Variants in SLC25A26 observed in about 807,000 individuals in gnomAD.
SLC25A26 encodes the protein solute carrier family 25 member 26.
SLC25A26 carries 36 observed loss-of-function variants against 37.8 expected under a neutral mutation model. The ratio of observed to expected loss-of-function variants is 0.95; its 90% CI spans 0.73 to 1.26. SLC25A26 has a LOEUF of 1.26. Ranked by LOEUF, SLC25A26 falls within the 50% of genes most tolerant of loss-of-function variation. The pLI is 0.00. For missense variants in SLC25A26, 390 were observed against 331.1 expected (o/e 1.18, Z -1.38); for synonymous variants, 129 against 122.5 (o/e 1.05, Z -0.35).
intron 5 of SLC25A26, among the ~76,000 whole-genome samples, chr3:66,318,889 A>G (rs537996831): frequency 6.6e-6 from 1 of 152,154 alleles, no homozygotes; most frequent in East Asian, 1.9e-4. Context: ...GACTCAAGCG[A>G]TCCTCCAACC....
At chr3:66,297,928 G>A (rs544593794) in intron 5 of SLC25A26, among the ~76,000 whole-genome samples, 1 of 152,274 alleles carries the variant, frequency 6.6e-6, no homozygotes, top group African/African-American at 2.4e-5. Flanking sequence ...TGTCTTTAAA[G>A]GATATAGCAT....
rs571305215 is a variant in SLC25A26 at position 66,313,759 on chromosome 3, A to G, written c.454-32605A>G. Among the ~76,000 whole-genome samples, 7 of 152,250 alleles carry G rather than the reference A, an allele frequency of 4.6e-5. No homozygotes were observed. In the East Asian group the frequency reaches 1.4e-3, roughly 29 times the overall value. On this transcript the variant is annotated intron_variant, in intron 5 of 9. Transcript: ENST00000354883. The stretch of plus-strand genomic sequence containing the variant: ...GATTCTTCCTATCCATGAGCGTGGA[A>G]TGTTTATCCATTTGTTTGTGTCCTC...
At chr3:66,167,635 T>A (rs1213051706) in intron 1 of SLC25A26, among the ~76,000 whole-genome samples, 1 of 152,232 alleles carries the variant, frequency 6.6e-6, no homozygotes, top group East Asian at 1.9e-4. Context: ...GATGCAGTAA[T>A]GTTCTCTGGG....
chr3:66,313,291 G>C (rs567952783), intron 5 of SLC25A26, among the ~76,000 whole-genome samples: 1 of 152,166 alleles, frequency 6.6e-6, no homozygotes, highest in African/African-American at 2.4e-5. Context: ...TCCATCTTGA[G>C]TTAATTTTTA....
At chr3:66,169,500 C>T (rs1303794893) in intron 1 of SLC25A26, among the ~76,000 whole-genome samples, 1 of 152,172 alleles carries the variant, frequency 6.6e-6, no homozygotes, top group Admixed American at 6.5e-5. Context: ...CTTGTCCCAC[C>T]CCATCTAAAA....
At chr3:66,287,905 A>T (rs2074567749) in intron 5 of SLC25A26, among the ~76,000 whole-genome samples, 1 of 152,228 alleles carries the variant, frequency 6.6e-6, no homozygotes, top group Non-Finnish European at 1.5e-5. Flanking sequence ...AGATTATAGA[A>T]ATTTTCTTTG....
chr3:66,331,345 G>A (rs772299071), intron 5 of SLC25A26, among the ~76,000 whole-genome samples: 6 of 152,042 alleles, frequency 3.9e-5, no homozygotes, highest in Non-Finnish European at 5.9e-5. Flanking sequence ...CTGTATTTTA[G>A]TTTGAGTATT....
At chr3:66,330,518 A>G (rs1464073799) in intron 5 of SLC25A26, among the ~76,000 whole-genome samples, 1 of 151,926 alleles carries the variant, frequency 6.6e-6, no homozygotes, top group Non-Finnish European at 1.5e-5. Flanking sequence ...CTGCATCTAT[A>G]TATTTCTGTG....
At chr3:66,215,008 C>T (rs2071339487) in intron 1 of SLC25A26, among the ~76,000 whole-genome samples, 1 of 151,936 alleles carries the variant, frequency 6.6e-6, no homozygotes, top group Non-Finnish European at 1.5e-5. Context: ...GCCTGTAATC[C>T]CAGCTACTTG....
At chr3:66,135,213 A>G (rs1329268982) in intron 1 of SLC25A26, among the ~76,000 whole-genome samples, 1 of 152,140 alleles carries the variant, frequency 6.6e-6, no homozygotes, top group East Asian at 1.9e-4. Flanking sequence ...TTGTTTTTGT[A>G]TTATCAACTT....
At chr3:66,162,844 A>T (rs1559556175) in intron 1 of SLC25A26, among the ~76,000 whole-genome samples, 1 of 152,362 alleles carries the variant, frequency 6.6e-6, no homozygotes, top group East Asian at 1.9e-4. Context: ...ACTCTTTTGT[A>T]TAGATGCTCC....
chr3:66,174,781 G>GCCTGGGCTACAAAGC (rs2070552463), intron 1 of SLC25A26, among the ~76,000 whole-genome samples: 1 of 146,854 alleles, frequency 6.8e-6, no homozygotes, highest in African/African-American at 2.5e-5. Context: ...GCAAGACTCC[G>GCCTGGGCTACAAAGC]AGACTCCGTC....
intron 5 of SLC25A26, among the ~76,000 whole-genome samples, chr3:66,309,816 A>G (rs2075326484): frequency 6.6e-6 from 1 of 152,128 alleles, no homozygotes; most frequent in Non-Finnish European, 1.5e-5. Context: ...GTTTTGAGTG[A>G]ATTTCTTAAT....
intron 1 of SLC25A26, among the ~76,000 whole-genome samples, chr3:66,214,416 G>A (rs1236779370): frequency 6.6e-6 from 1 of 152,018 alleles, no homozygotes; most frequent in Admixed American, 6.6e-5. Flanking sequence ...TTATAACGAT[G>A]CAAAACTGAC....
At chr3:66,162,692 A>T (rs1229439728) in intron 1 of SLC25A26, among the ~76,000 whole-genome samples, 1 of 152,226 alleles carries the variant, frequency 6.6e-6, no homozygotes, top group Non-Finnish European at 1.5e-5. Flanking sequence ...CATGATATCT[A>T]AAGACCACTG....
intron 1 of SLC25A26, among the ~76,000 whole-genome samples, chr3:66,175,173 T>A (rs973541797): frequency 6.7e-6 from 1 of 148,270 alleles, no homozygotes; most frequent in South Asian, 2.1e-4. Context: ...TATATGTATA[T>A]ATACACATAC....
At chr3:66,333,981 G>C (rs939219344) in intron 5 of SLC25A26, among the ~76,000 whole-genome samples, 2 of 152,150 alleles carry the variant, frequency 1.3e-5, no homozygotes. Context: ...GAGGTAAAGG[G>C]AGGTGAGTTT....
At chr3:66,138,358 C>T (rs1443149742) in intron 1 of SLC25A26, among the ~76,000 whole-genome samples, 2 of 152,110 alleles carry the variant, frequency 1.3e-5, no homozygotes, top group African/African-American at 4.8e-5. Flanking sequence ...CACTCCAGGG[C>T]AACCATTCTT....
chr3:66,256,151 T>G (rs2073292839), intron 3 of SLC25A26, among the ~76,000 whole-genome samples: 1 of 152,196 alleles, frequency 6.6e-6, no homozygotes, highest in African/African-American at 2.4e-5. Flanking sequence ...TACCCTTTTC[T>G]TTCTCTTATT....
Sources: allele counts gnomAD v4.1 joint callset (sites outside exome capture counted in the v4.1 genomes callset), GRCh38; gene constraint gnomAD v4.1.1; transcripts MANE v1.5; gene names NCBI Gene and HGNC (gene_info 2026-07-23, HGNC 2026-07-21).